The following CORIN variants were observed in gnomAD, a reference collection of about 807,000 sequenced individuals.
The protein encoded by CORIN is atrial natriuretic peptide-converting enzyme.
A neutral mutation model predicts 125.3 loss-of-function variants in CORIN; 117 were observed. That is an observed-to-expected ratio of 0.93 (90% CI 0.80 to 1.09). The LOEUF is 1.09. Among genes scored for constraint, CORIN ranks in the 50% least tolerant of loss-of-function variants. The pLI is 0.00. For missense variants in CORIN, 1,253 were observed against 1,306.7 expected, an observed-to-expected ratio of 0.96 and a Z score of 0.63; for synonymous variants, 450 against 466.4, an observed-to-expected ratio of 0.96 and a Z score of 0.45.
At chr4:47,760,298 G>T (rs1328728938) in intron 4 of CORIN, among the ~76,000 whole-genome samples, 1 of 152,156 alleles carries the variant, frequency 6.6e-6, no homozygotes, top group Non-Finnish European at 1.5e-5. Flanking sequence ...TATTTTAAAA[G>T]AAATCTGTTT....
chr4:47,625,626 T>C (rs762003217), intron 17 of CORIN, among the ~76,000 whole-genome samples: 26 of 152,262 alleles, frequency 1.7e-4, no homozygotes, highest in Non-Finnish European at 2.9e-4. Context: ...CCATTTTTAG[T>C]TTTCCTCTTT....
chr4:47,760,129 A>C (rs1033982300), intron 4 of CORIN, among the ~76,000 whole-genome samples: 3 of 152,196 alleles, frequency 2.0e-5, no homozygotes, highest in Admixed American at 1.3e-4. Flanking sequence ...GCCTTATGAA[A>C]TGTATTTCTG....
At position 47,780,155 on chromosome 4, in the gene CORIN, G is replaced by A. The variant is rs571689399; in HGVS notation, c.409+6570C>T. On this transcript the variant is annotated intron_variant, in intron 3 of 21. Coordinates refer to ENST00000273857, the MANE Select transcript of CORIN (RefSeq NM_006587.4). ...TACTAACTTGAAGTATTCTTGGATGGGAAAGATATTTTGTAAAAAAAAAAA... is the reference window on the plus strand; with the variant it reads ...TACTAACTTGAAGTATTCTTGGATGAGAAAGATATTTTGTAAAAAAAAAAA... Among the ~76,000 whole-genome samples, 3 of 151,790 alleles carry A rather than the reference G, an allele frequency of 2.0e-5. No individual in the cohort carries two copies. In the South Asian group the frequency reaches 6.3e-4, roughly 32 times the overall value.
At chr4:47,627,433 G>A (rs1009925839) in intron 16 of CORIN, among the ~76,000 whole-genome samples, 1 of 152,076 alleles carries the variant, frequency 6.6e-6, no homozygotes, top group African/African-American at 2.4e-5. Flanking sequence ...AAACACAAGA[G>A]TATTTCATAA....
chr4:47,793,262 G>T (rs753506307), intron 2 of CORIN, among the ~76,000 whole-genome samples: 2 of 152,050 alleles, frequency 1.3e-5, no homozygotes, highest in African/African-American at 4.8e-5. Flanking sequence ...ATCAATCCCC[G>T]AGCAGAACAC....
chr4:47,756,499 G>A (rs1383173329), intron 4 of CORIN, among the ~76,000 whole-genome samples: 2 of 152,144 alleles, frequency 1.3e-5, no homozygotes, highest in African/African-American at 2.4e-5. Context: ...CTCATTTGAG[G>A]AAACTCATTT....
intron 3 of CORIN, among the ~76,000 whole-genome samples, chr4:47,769,942 C>T (rs917865817): frequency 6.6e-6 from 1 of 152,092 alleles, no homozygotes; most frequent in Non-Finnish European, 1.5e-5. Context: ...AGCTCAGTGA[C>T]ATTGGTCTGG....
intron 6 of CORIN, among the ~76,000 whole-genome samples, chr4:47,687,417 G>C (rs1004579561): frequency 6.6e-6 from 1 of 152,134 alleles, no homozygotes; most frequent in Non-Finnish European, 1.5e-5. Flanking sequence ...TCAATAACAA[G>C]CATAATTTTG....
At chr4:47,821,221 C>A (rs1174176052) in intron 1 of CORIN, among the ~76,000 whole-genome samples, 1 of 151,426 alleles carries the variant, frequency 6.6e-6, no homozygotes. Flanking sequence ...GACGACAGAG[C>A]GAGACCCCAT....
Position 47,744,522 on chromosome 4 carries a change from G to C in CORIN, c.679C>G (p.Leu227Val), listed in dbSNP as rs367823910. The change falls in exon 5 of 22, where the codon CTG becomes GTG. Residue 227 changes from leucine (L) to valine (V), a missense_variant. Coordinates refer to ENST00000273857, the MANE Select transcript of CORIN (RefSeq NM_006587.4). ...EAAKEGCESV[L>V]GMVNYSWPDF... ...GGCCAGGAGTAATTCACCATCCCCAGGACTGATTCACAGCCTTCTTTTGCA... is the reference window on the plus strand; with the variant it reads ...GGCCAGGAGTAATTCACCATCCCCACGACTGATTCACAGCCTTCTTTTGCA... 3.1e-6 allele frequency: 5 copies of C among 1,613,376 alleles called. No individual in the cohort carries two copies. Among genetic ancestry groups the C allele is most frequent in the Non-Finnish European group, 4.2e-6 (5 of 1,179,900 alleles).
At chr4:47,630,987 C>G (rs1451051816) in intron 16 of CORIN, among the ~76,000 whole-genome samples, 2 of 152,184 alleles carry the variant, frequency 1.3e-5, no homozygotes, top group African/African-American at 4.8e-5. Context: ...CCTTGGCTAA[C>G]AGAGTCCTTA....
intron 5 of CORIN, among the ~76,000 whole-genome samples, chr4:47,731,279 TTG>T (rs146864792): frequency 2.6e-5 from 4 of 151,674 alleles, no homozygotes; most frequent in African/African-American, 4.8e-5. Flanking sequence ...GAAGGCAAAT[TTG>T]TGTGTGTGTG....
chr4:47,763,933 T>C (rs909608828), intron 3 of CORIN, among the ~76,000 whole-genome samples: 8 of 152,212 alleles, frequency 5.3e-5, no homozygotes, highest in African/African-American at 1.9e-4. Flanking sequence ...GCATATTCTT[T>C]GACATTATCA....
At chr4:47,678,338 T>C (rs1333014463) in intron 8 of CORIN, among the ~76,000 whole-genome samples, 3 of 152,262 alleles carry the variant, frequency 2.0e-5, no homozygotes, top group African/African-American at 4.8e-5. Context: ...GTTCATTATA[T>C]GGCAAGAGCT....
intron 1 of CORIN, among the ~76,000 whole-genome samples, chr4:47,836,034 G>A (rs1017714242): frequency 6.6e-6 from 1 of 152,172 alleles, no homozygotes; most frequent in East Asian, 1.9e-4. Flanking sequence ...AGAATCTTGG[G>A]GTTTTGAGGT....
In CORIN at chr4:47,744,580, A is replaced by G; in HGVS notation, c.621T>C (p.His207=). The G allele has an allele frequency of 1.3e-6, 2 of 1,559,616 alleles. No individual in the cohort carries two copies. The highest frequency in any genetic ancestry group is 1.7e-6 in the Non-Finnish European group (2 of 1,158,454). The change falls in exon 5 of 22, where the codon CAT becomes CAC. Residue 207 remains histidine (H), a synonymous_variant. Transcript: ENST00000273857. ...AGAAGGACCTACAGGGCAGGAGTCC[A>G]TGACTAAAAAAAAAAAAAGAGAAAG... ...PECIIDGDDS[H]GLLPCRSFCE... is the part of the protein sequence containing the mutation.
chr4:47,691,275 G>A (rs1014320868), intron 6 of CORIN, among the ~76,000 whole-genome samples: 1 of 152,178 alleles, frequency 6.6e-6, no homozygotes, highest in Non-Finnish European at 1.5e-5. Flanking sequence ...AGAATAGCTA[G>A]AGATTCTACC....
At chr4:47,648,245 G>A (rs936224478) in intron 13 of CORIN, among the ~76,000 whole-genome samples, 1 of 152,184 alleles carries the variant, frequency 6.6e-6, no homozygotes, top group Non-Finnish European at 1.5e-5. Flanking sequence ...TGCACCTGTA[G>A]GTTATGAAAC....
At chr4:47,776,353 T>C (rs2109897406) in intron 3 of CORIN, among the ~76,000 whole-genome samples, 1 of 151,254 alleles carries the variant, frequency 6.6e-6, no homozygotes, top group East Asian at 1.9e-4. Flanking sequence ...TGGTGAGATC[T>C]CGGCTCACTT....
Sources: gnomAD v4.1 joint callset for allele counts (sites outside exome capture counted in the v4.1 genomes callset) on GRCh38, gnomAD v4.1.1 for gene constraint, MANE v1.5 for transcripts, NCBI Gene and HGNC (gene_info 2026-07-23, HGNC 2026-07-21) for gene names.